Variants in ZNF678 observed in about 807,000 individuals in gnomAD.
The protein encoded by ZNF678 is zinc finger protein 678.
Under a neutral mutation model 3.0 loss-of-function variants are expected in ZNF678, and 5 were observed. The ratio of observed to expected loss-of-function variants is 1.69; its 90% confidence interval spans 0.88 to 3.56. ZNF678 has a LOEUF of 3.56. ZNF678 is among the 30% of genes most tolerant of loss of function. The pLI, the probability that ZNF678 is intolerant of heterozygous loss-of-function variation, is 0.00. For synonymous variants in ZNF678, 218 were observed against 199.6 expected, an observed-to-expected ratio of 1.09 and a Z score of -0.78; for missense variants, 593 against 605.0, an observed-to-expected ratio of 0.98 and a Z score of 0.21.
At chr1:227,667,060 T>C (rs557492716), downstream of ZNF678, among the ~76,000 whole-genome samples, 5 of 151,980 alleles carry the variant, frequency 3.3e-5, no homozygotes, top group South Asian at 8.3e-4. Flanking sequence ...TCTTTTTTTT[T>C]TTAAACAGAA....
intron 1 of ZNF678, among the ~76,000 whole-genome samples, chr1:227,605,507 C>G (rs1657842227): frequency 1.3e-5 from 2 of 152,120 alleles, no homozygotes; most frequent in Admixed American, 6.5e-5. Context: ...TTGTCTTGTT[C>G]CCAATGTTAT....
In ZNF678 at chr1:227,638,882, G is replaced by A. The variant is rs1658746890; in HGVS notation, c.-163-7662G>A. On this transcript the variant is annotated intron_variant, in intron 1 of 3. Transcript: ENST00000343776. This position sits in a 1 kb window ranked among gnomAD's most constrained non-coding sequence, Gnocchi z 4.2. ...GACTTGGGAGGACTGGGTGGGTCCT[G>A]AAAAATTAGGTAAAGCAGAGTAGCT... Among the ~76,000 whole-genome samples, 1 of 152,040 alleles carries A rather than the reference G, an allele frequency of 6.6e-6. No homozygotes were observed. The highest frequency in any genetic ancestry group is 1.9e-4 in the East Asian group (1 of 5,186).
intron 1 of ZNF678, among the ~76,000 whole-genome samples, chr1:227,580,982 A>T (rs936195752): frequency 6.6e-6 from 1 of 152,104 alleles, no homozygotes; most frequent in African/African-American, 2.4e-5. Context: ...CAAGAGTGAT[A>T]CATTTAGAGT....
intron 1 of ZNF678, among the ~76,000 whole-genome samples, chr1:227,629,872 A>G (rs554040723): frequency 7.2e-4 from 110 of 152,002 alleles, no homozygotes; most frequent in African/African-American, 2.5e-3. Context: ...TAGGCATTCA[A>G]TTTGCCCAGC....
chr1:227,663,453 T>A (rs765059142), downstream of ZNF678, among the ~76,000 whole-genome samples: 3 of 152,126 alleles, frequency 2.0e-5, no homozygotes, highest in Non-Finnish European at 4.4e-5. Flanking sequence ...AGGCATGAGT[T>A]CTCTAAGATG....
At chr1:227,596,084 C>T (rs1657579104) in intron 1 of ZNF678, among the ~76,000 whole-genome samples, 1 of 152,190 alleles carries the variant, frequency 6.6e-6, no homozygotes, top group Non-Finnish European at 1.5e-5. Context: ...GGGAGCCTGC[C>T]ACACACTGCT....
chr1:227,563,718 G>C lies in ZNF678; in HGVS notation c.-170G>C. The stretch of plus-strand genomic sequence containing the variant: ...AGATGCCAGGACACCCCGAAAGCCG[G>C]AAAACGGTGAGAGTTCCCGGGAGGG... On this transcript the variant is annotated 5_prime_UTR_variant, in exon 1 of 4. Coordinates refer to ENST00000343776, the MANE Select transcript of ZNF678 (RefSeq NM_001367909.1). 3.8e-6 allele frequency: 5 copies of C among 1,329,114 alleles called. No homozygotes were observed. The highest frequency in any genetic ancestry group is 5.0e-6 in the Non-Finnish European group (5 of 1,001,254). 82.3% of individuals were successfully genotyped at this position (1,329,114 alleles called of 1,614,324 possible).
intron 1 of ZNF678, among the ~76,000 whole-genome samples, chr1:227,624,299 C>T (rs1300771825): frequency 1.3e-5 from 2 of 152,178 alleles, no homozygotes; most frequent in Non-Finnish European, 2.9e-5. Flanking sequence ...GAAATCTCCA[C>T]TGATGATCCC....
chr1:227,669,675 G>A (rs1380892880), intron 5 of ZNF678, among the ~76,000 whole-genome samples: 3 of 150,846 alleles, frequency 2.0e-5, no homozygotes, highest in Non-Finnish European at 4.4e-5. Context: ...ATCTCCCACC[G>A]GTCAGAATAG....
At chr1:227,678,974 T>C (rs1078889), downstream of ZNF678, among the ~76,000 whole-genome samples, 10,134 of 152,210 alleles carry the variant, frequency 0.067, 488 homozygotes, top group Middle Eastern at 0.2. Context: ...TATTACCCCT[T>C]GTGTGAGGGG....
At chr1:227,636,453 G>A (rs111240835) in intron 1 of ZNF678, among the ~76,000 whole-genome samples, 1,644 of 152,220 alleles carry the variant, frequency 0.011, 34 homozygotes, top group African/African-American at 0.038. Context: ...CATTTCCAGG[G>A]CTGAGGCAGT....
At chr1:227,643,501 C>G (rs1490839359) in intron 1 of ZNF678, among the ~76,000 whole-genome samples, 1 of 152,120 alleles carries the variant, frequency 6.6e-6, no homozygotes, top group Non-Finnish European at 1.5e-5. Context: ...ATGTTTCCAC[C>G]CTGGCATTTC....
chr1:227,599,158 C>T, intron 1 of ZNF678: 3 of 1,286,170 alleles, frequency 2.3e-6, no homozygotes, highest in Non-Finnish European at 3.4e-6. Flanking sequence ...TCCTCCAGTT[C>T]TAGAATCATT....
chr1:227,585,981 T>C (rs1657250140), intron 1 of ZNF678, among the ~76,000 whole-genome samples: 1 of 152,134 alleles, frequency 6.6e-6, no homozygotes, highest in African/African-American at 2.4e-5. Flanking sequence ...AGAATTTGAT[T>C]TCCAGATTTA....
intron 1 of ZNF678, among the ~76,000 whole-genome samples, chr1:227,639,080 A>ATGGGGGCGGTCCTTGC (rs898752835): frequency 2.6e-5 from 4 of 152,062 alleles, no homozygotes; most frequent in Middle Eastern, 3.4e-3. Flanking sequence ...TCGGGAAGGG[A>ATGGGGGCGGTCCTTGC]TGGGGGCGGT....
chr1:227,641,774 T>C (rs1305475676), intron 1 of ZNF678, among the ~76,000 whole-genome samples: 1 of 151,510 alleles, frequency 6.6e-6, no homozygotes, highest in Admixed American at 6.6e-5. Flanking sequence ...AAAAAAAAAC[T>C]TCACAAAACA....
chr1:227,629,510 C>T (rs1042919056), intron 1 of ZNF678, among the ~76,000 whole-genome samples: 1 of 152,200 alleles, frequency 6.6e-6, no homozygotes, highest in Non-Finnish European at 1.5e-5. Flanking sequence ...TGTCCTAGGA[C>T]CCCTTGGATA....
intron 2 of ZNF678, among the ~76,000 whole-genome samples, chr1:227,649,491 C>T (rs543693522): frequency 2.8e-4 from 43 of 152,284 alleles, no homozygotes; most frequent in Admixed American, 2.0e-3. Context: ...GCCAAGATTA[C>T]AGGCATGCAC....
intron 5 of ZNF678, among the ~76,000 whole-genome samples, chr1:227,670,979 T>C (rs1659590760): frequency 6.6e-6 from 1 of 151,948 alleles, no homozygotes; most frequent in Admixed American, 6.6e-5. Flanking sequence ...TTTTTTTTTT[T>C]TTATGTCCAG....
Sources: gnomAD v4.1 joint callset for allele counts (sites outside exome capture counted in the v4.1 genomes callset) on GRCh38, gnomAD v4.1.1 for gene constraint, Gnocchi (gnomAD v3.1) non-coding constraint, MANE v1.5 for transcripts, NCBI Gene and HGNC (gene_info 2026-07-23, HGNC 2026-07-21) for gene names.